Variants in ABL1 observed in about 807,000 individuals in gnomAD.
The protein encoded by ABL1 is ABL proto-oncogene 1, non-receptor tyrosine kinase.
A neutral mutation model predicts 94.7 loss-of-function variants in ABL1; 11 were observed. The ratio of observed to expected loss-of-function variants is 0.12; its 90% CI spans 0.07 to 0.19. The LOEUF (loss-of-function observed/expected upper bound fraction) is 0.19. ABL1 is among the 10% of genes least tolerant of loss of function. The pLI is 1.00. For missense variants in ABL1, 1,082 were observed against 1,489.4 expected, an observed-to-expected ratio of 0.73 and a Z score of 4.50; for synonymous variants, 656 against 622.4, an observed-to-expected ratio of 1.05 and a Z score of -0.80.
intron 1 of ABL1, among the ~76,000 whole-genome samples, chr9:130,721,828 T>TG (rs546175415): frequency 2.3e-4 from 34 of 149,234 alleles, no homozygotes; most frequent in South Asian, 1.9e-3. Flanking sequence ...TTTTGTTTTT[T>TG]TTTTTTTTTT....
In ABL1 at chr9:130,782,667, A is replaced by G. The variant is rs189144849; in HGVS notation, c.136+68212A>G. On this transcript the variant is annotated intron_variant, in intron 1 of 10. Coordinates refer to the ABL1 transcript ENST00000372348. ...AACATGCCAAGATATAATGCGCTGA[A>G]GGTCTTAGCATGCCTGCGCAGAGCC... Among the ~76,000 whole-genome samples the G allele has an allele frequency of 7.9e-5, 12 of 152,306 alleles. No individual in the cohort carries two copies. The East Asian group carries it at 2.3e-3, about 29-fold the overall frequency.
intron 6 of ABL1, among the ~76,000 whole-genome samples, chr9:130,874,083 C>G (rs1209818820): frequency 6.6e-6 from 1 of 152,198 alleles, no homozygotes; most frequent in African/African-American, 2.4e-5. Flanking sequence ...TTAGGCACAA[C>G]TCTTCTGTAT....
intron 1 of ABL1, among the ~76,000 whole-genome samples, chr9:130,797,540 A>G (rs747857093): frequency 2.0e-5 from 3 of 151,854 alleles, no homozygotes; most frequent in Non-Finnish European, 4.4e-5. Context: ...ATGCTTAGCT[A>G]ATTTTCATAT....
intron 1 of ABL1, among the ~76,000 whole-genome samples, chr9:130,793,598 G>C (rs1167024423): frequency 6.6e-6 from 1 of 152,116 alleles, no homozygotes; most frequent in Non-Finnish European, 1.5e-5. Flanking sequence ...TGCAATTTTA[G>C]TACTGAGTGT....
intron 1 of ABL1, among the ~76,000 whole-genome samples, chr9:130,769,293 T>C (rs1415947112): frequency 6.6e-6 from 1 of 151,678 alleles, no homozygotes; most frequent in Non-Finnish European, 1.5e-5. Flanking sequence ...GCAACTTCTT[T>C]AGCTTTAATT....
chr9:130,865,770 C>T (rs889685593), intron 4 of ABL1, among the ~76,000 whole-genome samples: 7 of 135,238 alleles, frequency 5.2e-5, no homozygotes, highest in African/African-American at 2.1e-4. Flanking sequence ...AAAAAAAAAG[C>T]TGAAATCCTT....
chr9:130,859,975 G>A (rs556494593), intron 3 of ABL1, among the ~76,000 whole-genome samples: 7 of 152,186 alleles, frequency 4.6e-5, no homozygotes, highest in Non-Finnish European at 1.0e-4. Flanking sequence ...CACTGCTCCT[G>A]GCAAAATGCT....
intron 1 of ABL1, among the ~76,000 whole-genome samples, chr9:130,744,952 T>C (rs1831868414): frequency 6.6e-6 from 1 of 152,076 alleles, no homozygotes; most frequent in Admixed American, 6.6e-5. Context: ...GGCCTAATGA[T>C]GTAAGTGCCA....
chr9:130,802,979 C>T (rs191934503), intron 1 of ABL1, among the ~76,000 whole-genome samples: 75 of 152,178 alleles, frequency 4.9e-4, no homozygotes, highest in Admixed American at 2.8e-3. Context: ...TGTGATTGTA[C>T]GGGGATTGGA....
chr9:130,821,386 C>T (rs1442709179), intron 1 of ABL1, among the ~76,000 whole-genome samples: 1 of 152,122 alleles, frequency 6.6e-6, no homozygotes, highest in Non-Finnish European at 1.5e-5. Flanking sequence ...AAGTTTTATA[C>T]AATATATGAC....
intron 1 of ABL1, among the ~76,000 whole-genome samples, chr9:130,839,297 T>C (rs1414613225): frequency 2.6e-5 from 4 of 152,326 alleles, no homozygotes; most frequent in African/African-American, 9.6e-5. Flanking sequence ...TTCCAGCGGA[T>C]GCTTCATGTG....
At chr9:130,868,785 G>A (rs1016582599) in intron 4 of ABL1, among the ~76,000 whole-genome samples, 1 of 151,954 alleles carries the variant, frequency 6.6e-6, no homozygotes, top group African/African-American at 2.4e-5. Flanking sequence ...CCCCCAGAGA[G>A]GCCAAGCCAT....
At chr9:130,825,221 C>G (rs1186728040) in intron 1 of ABL1, among the ~76,000 whole-genome samples, 1 of 152,154 alleles carries the variant, frequency 6.6e-6, no homozygotes, top group Non-Finnish European at 1.5e-5. Flanking sequence ...ACCTCCTAAT[C>G]CCTGCTGGGT....
intron 7 of ABL1, among the ~76,000 whole-genome samples, chr9:130,875,547 T>C (rs1187473790): frequency 6.6e-6 from 1 of 152,026 alleles, no homozygotes; most frequent in African/African-American, 2.4e-5. Flanking sequence ...CCCCTCTCCA[T>C]GTCTTTATTT....
chr9:130,736,328 A>C (rs1831742355), intron 1 of ABL1, among the ~76,000 whole-genome samples: 1 of 152,144 alleles, frequency 6.6e-6, no homozygotes, highest in Admixed American at 6.6e-5. Context: ...TCTAGTTTAC[A>C]GTCCCATCGC....
upstream of ABL1, among the ~76,000 whole-genome samples, chr9:130,830,801 A>G (rs144156102): frequency 3.8e-3 from 582 of 152,190 alleles, 3 homozygotes; most frequent in African/African-American, 0.014. Flanking sequence ...ACTACCTCCC[A>G]TTTTTCAGAT....
At chr9:130,778,059 T>A (rs1350428602) in intron 1 of ABL1, among the ~76,000 whole-genome samples, 1 of 111,344 alleles carries the variant, frequency 9.0e-6, no homozygotes, top group African/African-American at 3.6e-5. Flanking sequence ...CTCTCAGGGC[T>A]TTGTGTTGGG....
At chr9:130,713,298 C>T (rs986565945) in exon 1 of ABL1, among the ~76,000 whole-genome samples, 6 of 152,118 alleles carry the variant, frequency 3.9e-5, no homozygotes, top group Admixed American at 1.3e-4. Context: ...GGCCGGGCCT[C>T]CTCTACACGG....
chr9:130,731,402 T>C (rs552253786), intron 1 of ABL1, among the ~76,000 whole-genome samples: 1 of 152,310 alleles, frequency 6.6e-6, no homozygotes, highest in Non-Finnish European at 1.5e-5. Context: ...GTGGTCTGTG[T>C]AAGAAATCTT....
Sources: gnomAD v4.1 joint callset for allele counts (sites outside exome capture counted in the v4.1 genomes callset) on GRCh38, gnomAD v4.1.1 for gene constraint, MANE v1.5 for transcripts, NCBI Gene and HGNC (gene_info 2026-07-23, HGNC 2026-07-21) for gene names.